Variants in SFI1 observed in about 807,000 individuals in gnomAD.
SFI1 encodes the protein protein SFI1 homolog.
In SFI1, 195 loss-of-function variants were observed where a neutral mutation model predicts 207.5. The observed-to-expected ratio is 0.94, with a 90% CI of 0.84 to 1.06. The LOEUF is 1.06. Ranked by LOEUF, SFI1 falls within the 50% of genes least tolerant of loss-of-function variation. The pLI, the probability that SFI1 is intolerant of heterozygous loss-of-function variation, is 0.00. For synonymous variants in SFI1, 630 were observed against 598.9 expected, an observed-to-expected ratio of 1.05 and a Z score of -0.76; for missense variants, 1,634 against 1,588.0, an observed-to-expected ratio of 1.03 and a Z score of -0.49.
At chr22:31,611,736 G>A (rs369673642) in intron 23 of SFI1, 30 bp from the exon 24 acceptor site, 14 of 1,606,044 alleles carry the variant, frequency 8.7e-6, no homozygotes, top group East Asian at 2.2e-5. Flanking sequence ...GGGTCAGGAC[G>A]CCACTCTCTG....
rs1229527872 is a variant in SFI1, at chr22:31,604,417, G to A, written c.1977+13G>A. 4.0e-6 allele frequency: 6 copies of A among 1,506,894 alleles called. No individual in the cohort carries two copies. The highest frequency in any genetic ancestry group is 5.3e-6 in the Non-Finnish European group (6 of 1,129,872). The allele number at this position is 1,506,894 out of a possible 1,614,324, so 93.3% of individuals were successfully genotyped here. A position where few individuals can be genotyped will look rare whatever the true frequency, so the allele number is the denominator to read the frequency against. The stretch of plus-strand genomic sequence containing the variant: ...GCAGGCATGGGTGGTAGGAACTGCT[G>A]CTTCCCTCCTGATCTTGCTGTGGGG... On this transcript the variant is annotated intron_variant, in intron 19 of 32. Transcript: ENST00000400288.
intron 14 of SFI1, among the ~76,000 whole-genome samples, chr22:31,588,274 G>A (rs908821284): frequency 6.6e-6 from 1 of 152,226 alleles, no homozygotes; most frequent in Non-Finnish European, 1.5e-5. Context: ...CTCTCTGTGA[G>A]GCTTGGGCTT....
At chr22:31,600,599 A>G (rs973785005) in intron 15 of SFI1, among the ~76,000 whole-genome samples, 5 of 152,138 alleles carry the variant, frequency 3.3e-5, no homozygotes, top group African/African-American at 1.2e-4. Context: ...TCTCCTTTCT[A>G]GTACCCTGAC....
In SFI1 at chr22:31,611,414, G is replaced by A. The variant is rs146412059; in HGVS notation, c.2415+111G>A. ...TTTCCTGACAGCACTCCATGCAGCC[G>A]GTATGAGTGGTGGGTGGTTTGGGGT... On this transcript the variant is annotated intron_variant, in intron 23 of 32. Coordinates refer to ENST00000400288, the MANE Select transcript of SFI1 (RefSeq NM_001007467.3). 956 of 1,320,746 alleles carry A rather than the reference G, an allele frequency of 7.2e-4. 3 individuals are homozygous for A. The East Asian group carries it at 9.5e-3, about 13-fold the overall frequency. 81.8% of individuals were successfully genotyped at this position (1,320,746 alleles called of 1,614,324 possible).
intron 1 of SFI1, among the ~76,000 whole-genome samples, chr22:31,506,950 A>G (rs907947294): frequency 6.6e-6 from 1 of 152,232 alleles, no homozygotes; most frequent in Non-Finnish European, 1.5e-5. Flanking sequence ...CAATTTACAG[A>G]TTCAATGCTG....
At chr22:31,531,258 G>A in intron 4 of SFI1, 129 bp downstream of exon 4, 1 of 685,956 alleles carries the variant, frequency 1.5e-6, no homozygotes, top group Admixed American at 2.9e-5. Context: ...GTAGGTAGAA[G>A]CAGTCCCTAA....
chr22:31,618,058 G>A (rs1304200629), intron 31 of SFI1, 57 bp from the exon 32 acceptor site: 17 of 1,520,842 alleles, frequency 1.1e-5, no homozygotes, highest in Admixed American at 6.4e-5. Flanking sequence ...TCCCTGAGCC[G>A]GATGGGGCTC....
chr22:31,605,507 ATTTG>A (rs2068816813), intron 20 of SFI1: 1 of 152,270 alleles, frequency 6.6e-6, no homozygotes, highest in Admixed American at 6.5e-5. Context: ...CTTCCTTTGT[ATTTG>A]TTCAGCACAT....
At chr22:31,602,428 A>C (rs1603308816) in intron 16 of SFI1, 135 bp downstream of exon 16, 1 of 1,147,496 alleles carries the variant, frequency 8.7e-7, no homozygotes, top group Non-Finnish European at 1.3e-6. Context: ...GAGGCAGGGC[A>C]GGCTCTGGGG....
intron 1 of SFI1, among the ~76,000 whole-genome samples, chr22:31,503,594 T>C (rs576186062): frequency 6.1e-5 from 9 of 148,234 alleles, no homozygotes; most frequent in African/African-American, 2.2e-4. Flanking sequence ...GTTTTTTTTT[T>C]TTTTTTTTTT....
At chr22:31,589,202 ATGTGTGTGCGTG>A (rs1569402991) in intron 14 of SFI1, among the ~76,000 whole-genome samples, 5 of 98,038 alleles carry the variant, frequency 5.1e-5, no homozygotes, top group African/African-American at 1.5e-4. Context: ...GAGTGTGTGT[ATGTGTGTGCGTG>A]TGTGTGTGTG....
At chr22:31,543,519 C>G (rs1002015015) in intron 4 of SFI1, among the ~76,000 whole-genome samples, 1 of 151,944 alleles carries the variant, frequency 6.6e-6, no homozygotes, top group Non-Finnish European at 1.5e-5. Context: ...TTTTAAAAAC[C>G]GTGAGTGGAA....
intron 10 of SFI1, 108 bp from the exon 11 acceptor site, chr22:31,578,274 G>A (rs2063731068): frequency 9.6e-7 from 1 of 1,036,962 alleles, no homozygotes; most frequent in Admixed American, 2.4e-5. Flanking sequence ...AGCCCACCTG[G>A]CACGTGTGTT....
rs200742294 is a variant in SFI1 at position 31,613,167 on chromosome 22, G to A, written c.2516G>A (p.Arg839Gln). Residue 839 changes from arginine (R) to glutamine (Q), a missense_variant, in exon 25 of 33, where the codon CGG becomes CAG. Arg to Gln is a conservative substitution (Grantham distance 43). Transcript: ENST00000400288. ...QQLAARRQEQRATVRALWFWA... is the reference protein window; with the variant it reads ...QQLAARRQEQQATVRALWFWA... ...CTGGCAGCCAGGAGGCAGGAGCAGC[G>A]GGCGACAGTGCGGGCCCTGTGGTTC... The A allele has an allele frequency of 2.1e-4, 343 of 1,613,718 alleles. No individual in the cohort carries two copies. The highest frequency in any genetic ancestry group is 1.1e-3 in the East Asian group (48 of 44,880).
chr22:31,501,855 A>C (rs1344558999), intron 1 of SFI1, among the ~76,000 whole-genome samples: 1 of 152,186 alleles, frequency 6.6e-6, no homozygotes, highest in African/African-American at 2.4e-5. Flanking sequence ...CACATTCCTC[A>C]TGCCTATGTG....
At chr22:31,591,866 C>A (rs2066010757) in intron 15 of SFI1, among the ~76,000 whole-genome samples, 1 of 69,344 alleles carries the variant, frequency 1.4e-5, no homozygotes, top group Non-Finnish European at 2.7e-5. Flanking sequence ...CAGAGGCGCC[C>A]CTCACCTCCC....
chr22:31,547,220 T>G (rs2060174125), intron 5 of SFI1, among the ~76,000 whole-genome samples: 2 of 152,202 alleles, frequency 1.3e-5, no homozygotes, highest in Admixed American at 6.5e-5. Context: ...ATGTATTGGT[T>G]ATGCTAATAC....
intron 19 of SFI1, 140 bp downstream of exon 19, chr22:31,604,544 C>G (rs1037871973): frequency 1.4e-6 from 1 of 734,492 alleles, no homozygotes; most frequent in Non-Finnish European, 2.1e-6. Context: ...GTGCCCCGGA[C>G]AGCGGGCCTT....
chr22:31,571,945 T>G (rs1236637145), intron 8 of SFI1, among the ~76,000 whole-genome samples: 2 of 152,154 alleles, frequency 1.3e-5, no homozygotes, highest in Non-Finnish European at 2.9e-5. Flanking sequence ...ATTGATATGC[T>G]GATTTCAAAA....
Sources: gnomAD v4.1 joint callset for allele counts (sites outside exome capture counted in the v4.1 genomes callset) on GRCh38, gnomAD v4.1.1 for gene constraint, MANE v1.5 for transcripts, NCBI Gene and HGNC (gene_info 2026-07-23, HGNC 2026-07-21) for gene names.